Variants in FREM1 observed in about 807,000 individuals in gnomAD.
FREM1 encodes the protein FRAS1 related extracellular matrix 1.
A neutral mutation model predicts 210.1 loss-of-function variants in FREM1; 220 were observed. That is an observed-to-expected ratio of 1.05 (90% confidence interval 0.94 to 1.17). FREM1 has a LOEUF of 1.17. FREM1 is among the 50% of genes most tolerant of loss of function. The pLI is 0.00. For synonymous variants in FREM1, 1,189 were observed against 980.2 expected, an observed-to-expected ratio of 1.21 and a Z score of -3.98; for missense variants, 3,454 against 2,675.5, an observed-to-expected ratio of 1.29 and a Z score of -6.42.
intron 10 of FREM1, among the ~76,000 whole-genome samples, chr9:14,841,071 G>C (rs1170378845): frequency 6.6e-6 from 1 of 152,184 alleles, no homozygotes; most frequent in Admixed American, 6.5e-5. Flanking sequence ...AGCATGGGTT[G>C]ACCAGTCAGT....
intron 35 of FREM1, 65 bp from the exon 36 acceptor site, chr9:14,740,299 C>A (rs1317822752): frequency 1.7e-6 from 2 of 1,183,982 alleles, no homozygotes; most frequent in Non-Finnish European, 2.5e-6. Context: ...ATACGAAATG[C>A]ATAACAGAAA....
intron 29 of FREM1, among the ~76,000 whole-genome samples, chr9:14,752,248 T>C (rs1179674971): frequency 1.3e-5 from 2 of 151,872 alleles, no homozygotes; most frequent in African/African-American, 4.8e-5. Context: ...AGATACAGAA[T>C]AGATTGTAGA....
chr9:14,821,662 C>T (rs1035494479), intron 13 of FREM1, among the ~76,000 whole-genome samples: 9 of 152,172 alleles, frequency 5.9e-5, no homozygotes, highest in Non-Finnish European at 1.3e-4. Context: ...AGCCCTTTGG[C>T]AGGTTTTCTA....
chr9:14,793,513 C>G (rs1464510633), intron 21 of FREM1, among the ~76,000 whole-genome samples: 1 of 152,214 alleles, frequency 6.6e-6, no homozygotes, highest in Non-Finnish European at 1.5e-5. Flanking sequence ...GCTGCTGATC[C>G]TACCAGAGCC....
chr9:14,783,792 G>A (rs1247416211), intron 24 of FREM1, among the ~76,000 whole-genome samples: 1 of 152,150 alleles, frequency 6.6e-6, no homozygotes, highest in Admixed American at 6.5e-5. Flanking sequence ...CAGGTGCGCA[G>A]CCCCCAATTA....
At chr9:14,869,509 C>T (rs938966776) in intron 1 of FREM1, among the ~76,000 whole-genome samples, 4 of 152,214 alleles carry the variant, frequency 2.6e-5, no homozygotes, top group Admixed American at 6.5e-5. Flanking sequence ...ACTGTGTGGT[C>T]CAGGAGGAAA....
intron 1 of FREM1, among the ~76,000 whole-genome samples, chr9:14,887,154 C>T (rs1835960694): frequency 6.6e-6 from 1 of 152,140 alleles, no homozygotes; most frequent in Non-Finnish European, 1.5e-5. Context: ...GAACAACCAG[C>T]TGTCTAAACT....
At chr9:14,763,513 G>C (rs143841887) in intron 27 of FREM1, among the ~76,000 whole-genome samples, 40 of 152,228 alleles carry the variant, frequency 2.6e-4, no homozygotes, top group African/African-American at 8.4e-4. Flanking sequence ...GAAAGCAAAA[G>C]CTGGTTCAAT....
At chr9:14,808,829 C>G (rs1485137576) in intron 16 of FREM1, among the ~76,000 whole-genome samples, 1 of 152,128 alleles carries the variant, frequency 6.6e-6, no homozygotes, top group Non-Finnish European at 1.5e-5. Flanking sequence ...CAGGATTAGA[C>G]AGTTTATCAG....
chr9:14,742,789 C>T (rs976867672), intron 35 of FREM1, among the ~76,000 whole-genome samples: 1 of 152,024 alleles, frequency 6.6e-6, no homozygotes, highest in African/African-American at 2.4e-5. Context: ...ATTATTAACA[C>T]ATAATTTTGA....
chr9:14,862,692 A>C (rs1207861119), intron 3 of FREM1, among the ~76,000 whole-genome samples: 3 of 152,150 alleles, frequency 2.0e-5, no homozygotes, highest in African/African-American at 7.2e-5. Context: ...GTCTCTGTGA[A>C]TTTGCCAGTT....
At position 14,775,829 on chromosome 9, in the gene FREM1, T is replaced by G. The variant is rs1848458939; in HGVS notation, c.4817A>C (p.Asn1606Thr). ...TDGTNQGFIV[N>T]GRVWEEPVLF... ...AACAGGTTCTTCCCACACTCTCCCATTCACAATAAAGCCTTGGTTTGTCCC... is the reference window on the plus strand; with the variant it reads ...AACAGGTTCTTCCCACACTCTCCCAGTCACAATAAAGCCTTGGTTTGTCCC... Residue 1606 changes from asparagine to threonine, a missense_variant, in exon 25 of 37, where the codon AAT becomes ACT. By Grantham distance (65) the Asn-to-Thr change is moderately conservative. Transcript: ENST00000380880. The G allele has an allele frequency of 6.2e-7, 1 of 1,613,218 alleles. No individual in the cohort carries two copies. Among genetic ancestry groups the G allele is most frequent in the African/African-American group, 1.3e-5 (1 of 74,830 alleles).
intron 16 of FREM1, among the ~76,000 whole-genome samples, chr9:14,808,438 A>G (rs1818771255): frequency 6.6e-6 from 1 of 152,212 alleles, no homozygotes; most frequent in African/African-American, 2.4e-5. Flanking sequence ...ACAAAGCTTC[A>G]CTAGTGAAGG....
chr9:14,794,056 A>G (rs1346331289), intron 21 of FREM1, among the ~76,000 whole-genome samples: 2 of 152,212 alleles, frequency 1.3e-5, no homozygotes, highest in Non-Finnish European at 2.9e-5. Flanking sequence ...AGAATTCAGA[A>G]TTAAATTTCT....
chr9:14,884,554 C>T (rs946126350), intron 1 of FREM1, among the ~76,000 whole-genome samples: 1 of 152,104 alleles, frequency 6.6e-6, no homozygotes, highest in Non-Finnish European at 1.5e-5. Flanking sequence ...ATTTTTTGAA[C>T]AGAAGAAAAT....
chr9:14,767,493 C>T (rs1381254483), intron 27 of FREM1, among the ~76,000 whole-genome samples: 2 of 152,190 alleles, frequency 1.3e-5, no homozygotes, highest in East Asian at 3.8e-4. Context: ...GTTTTCTCAT[C>T]TGTAAATTTC....
At position 14,805,536 on chromosome 9, in the gene FREM1, C is replaced by T. The variant is rs531940839; in HGVS notation, c.3275-384G>A. ...AAAGAGACCACCTCCGTCACGTAAA[C>T]GCAAAACAAGAGTCAATCAATCATC... On this transcript the variant is annotated intron_variant, in intron 18 of 36. Coordinates refer to ENST00000380880, the MANE Select transcript of FREM1 (RefSeq NM_001379081.2). 2.6e-4 allele frequency among the ~76,000 whole-genome samples: 39 copies of T among 152,240 alleles called. No homozygotes were observed. In the East Asian group the frequency reaches 6.9e-3, roughly 27 times the overall value.
In FREM1 at chr9:14,805,038, T is replaced by A; in HGVS notation, c.3389A>T (p.His1130Leu). 6.2e-7 allele frequency: 1 copy of A among 1,613,762 alleles called. No individual in the cohort carries two copies. The highest frequency in any genetic ancestry group is 8.5e-7 in the Non-Finnish European group (1 of 1,179,642). Reference sequence around the variant, plus strand: ...AGAAAATGGTATCTCCAAGGAGTGATGCTTCCCATCTGTGACGTACACCGT... The same window carrying A: ...AGAAAATGGTATCTCCAAGGAGTGAAGCTTCCCATCTGTGACGTACACCGT... Reference protein sequence around the residue: ...QFTVYVTDGKHHSLEIPFSII... With the variant: ...QFTVYVTDGKLHSLEIPFSII... The change falls in exon 19 of 37, where the codon CAT (histidine) becomes CTT (leucine). Residue 1130 changes from histidine to leucine, a missense_variant. His to Leu is a moderately conservative substitution (Grantham distance 99). Transcript: ENST00000380880.
chr9:14,807,548 A>C (rs769181175), intron 17 of FREM1, among the ~76,000 whole-genome samples: 1 of 152,210 alleles, frequency 6.6e-6, no homozygotes, highest in Non-Finnish European at 1.5e-5. Context: ...ACTCTGTTCT[A>C]ATAGAAATTA....
Sources: gnomAD v4.1 joint callset for allele counts (sites outside exome capture counted in the v4.1 genomes callset) on GRCh38, gnomAD v4.1.1 for gene constraint, MANE v1.5 for transcripts, NCBI Gene and HGNC (gene_info 2026-07-23, HGNC 2026-07-21) for gene names.